The following SH2D4A variants were observed in gnomAD, a reference collection of about 807,000 sequenced individuals.
SH2D4A encodes the protein SH2 domain containing 4A.
In SH2D4A, 70 loss-of-function variants were observed where a neutral mutation model predicts 64.7. That is an observed-to-expected ratio of 1.08 (90% CI 0.89 to 1.32). SH2D4A has a LOEUF of 1.32. Among genes scored for constraint, SH2D4A ranks in the 40% most tolerant of loss-of-function variants. The pLI is 0.00. For synonymous variants in SH2D4A, 268 were observed against 200.7 expected, an observed-to-expected ratio of 1.34 and a Z score of -2.83; for missense variants, 706 against 540.1, an observed-to-expected ratio of 1.31 and a Z score of -3.04.
At chr8:19,379,768 GCT>G (rs1229108832) in intron 8 of SH2D4A, among the ~76,000 whole-genome samples, 1 of 152,080 alleles carries the variant, frequency 6.6e-6, no homozygotes, top group Non-Finnish European at 1.5e-5. Flanking sequence ...ACAGGGTCTT[GCT>G]CTGTTGCCTA....
intron 7 of SH2D4A, among the ~76,000 whole-genome samples, chr8:19,372,275 A>T (rs1325442509): frequency 6.6e-6 from 1 of 152,188 alleles, no homozygotes; most frequent in Non-Finnish European, 1.5e-5. Flanking sequence ...CTCCAAGTCC[A>T]GGCTTGCTGC....
chr8:19,391,412 G>A (rs923406947), intron 8 of SH2D4A, among the ~76,000 whole-genome samples: 2 of 152,156 alleles, frequency 1.3e-5, no homozygotes, highest in African/African-American at 4.8e-5. Context: ...GCAGGGAAGG[G>A]GTGGAAAAGC....
chr8:19,360,614 A>T (rs2052867308), intron 5 of SH2D4A, among the ~76,000 whole-genome samples: 1 of 152,128 alleles, frequency 6.6e-6, no homozygotes, highest in South Asian at 2.1e-4. Flanking sequence ...GCTCCATCTT[A>T]AAAAAATAAT....
chr8:19,313,855 G>A, intron 1 of SH2D4A, 32 bp downstream of exon 1: 1 of 1,457,282 alleles, frequency 6.9e-7, no homozygotes, highest in Non-Finnish European at 9.0e-7. Flanking sequence ...AGGCTTTGGG[G>A]AGAGTGTGCG....
At chr8:19,386,531 C>T (rs561988725) in intron 8 of SH2D4A, among the ~76,000 whole-genome samples, 21 of 152,208 alleles carry the variant, frequency 1.4e-4, no homozygotes, top group East Asian at 1.9e-4. Flanking sequence ...TGGCTGTGCC[C>T]GGGAGCCCCA....
intron 4 of SH2D4A, among the ~76,000 whole-genome samples, chr8:19,352,217 T>C (rs1211204986): frequency 1.3e-5 from 2 of 152,244 alleles, no homozygotes; most frequent in Non-Finnish European, 2.9e-5. Flanking sequence ...TTTGTAACCA[T>C]GTAATACTGA....
Position 19,369,911 on chromosome 8 carries a change from T to C in SH2D4A, c.918-3619T>C, listed in dbSNP as rs553095750. 2.6e-5 allele frequency among the ~76,000 whole-genome samples: 4 copies of C among 152,212 alleles called. No individual in the cohort carries two copies. The South Asian group carries it at 8.3e-4, about 32-fold the overall frequency. ...TGTGGTACAACAATAAAATTACTTA[T>C]TTGATATCTTTCTACTTTTTTGATA... On this transcript the variant is annotated intron_variant, in intron 7 of 9. Transcript: ENST00000265807.
chr8:19,334,779 C>A lies in SH2D4A; in HGVS notation c.435C>A (p.Ile145=). The A allele has an allele frequency of 1.2e-6, 2 of 1,614,064 alleles. No individual in the cohort carries two copies. The highest frequency in any genetic ancestry group is 1.7e-6 in the Non-Finnish European group (2 of 1,180,002). Residue 145 remains isoleucine (I), a synonymous_variant, in exon 4 of 10, where the codon ATC becomes ATA. Coordinates refer to ENST00000265807, the MANE Select transcript of SH2D4A (RefSeq NM_022071.4). The stretch of plus-strand genomic sequence containing the variant: ...CGGATAACCAGCAGACTAAAGACAT[C>A]TGGAAGAAAGTGGCAGAAAAGGAGG... ...QAPDNQQTKD[I]WKKVAEKEEL...
chr8:19,348,754 G>A (rs2052651150), intron 4 of SH2D4A, among the ~76,000 whole-genome samples: 1 of 152,352 alleles, frequency 6.6e-6, no homozygotes, highest in East Asian at 1.9e-4. Context: ...CAGGTTAAGA[G>A]TGAAAAGCAG....
intron 7 of SH2D4A, among the ~76,000 whole-genome samples, chr8:19,368,104 T>C (rs1435480851): frequency 6.6e-6 from 1 of 152,214 alleles, no homozygotes; most frequent in Non-Finnish European, 1.5e-5. Flanking sequence ...GTACCATATA[T>C]TGAAGAGACT....
chr8:19,370,382 G>T (rs1296527217), intron 7 of SH2D4A, among the ~76,000 whole-genome samples: 1 of 151,946 alleles, frequency 6.6e-6, no homozygotes, highest in Non-Finnish European at 1.5e-5. Context: ...TTCTATGTAG[G>T]TATATTAATA....
intron 9 of SH2D4A, among the ~76,000 whole-genome samples, chr8:19,394,284 A>C (rs892420037): frequency 2.6e-5 from 4 of 152,220 alleles, no homozygotes; most frequent in African/African-American, 9.6e-5. Flanking sequence ...CAGTTCTAAC[A>C]GGCCACAGAC....
chr8:19,389,529 G>C (rs996406031), intron 8 of SH2D4A, among the ~76,000 whole-genome samples: 1 of 152,156 alleles, frequency 6.6e-6, no homozygotes, highest in Non-Finnish European at 1.5e-5. Flanking sequence ...GTAGGCTCAG[G>C]AGTTTCAGTT....
intron 8 of SH2D4A, among the ~76,000 whole-genome samples, chr8:19,386,681 C>A (rs1419042145): frequency 2.0e-5 from 3 of 152,096 alleles, no homozygotes; most frequent in Non-Finnish European, 4.4e-5. Flanking sequence ...AGAGAGTCTG[C>A]TTTGGGGGTT....
At chr8:19,325,344 G>A (rs931176878) in intron 2 of SH2D4A, among the ~76,000 whole-genome samples, 4 of 152,124 alleles carry the variant, frequency 2.6e-5, no homozygotes, top group Non-Finnish European at 2.9e-5. Flanking sequence ...ACAAGGATCC[G>A]GTCAGGTAAA....
rs2053561615 is a variant in SH2D4A, at chr8:19,394,883, T to TGTCA, written c.*242_*245dup. On this transcript the variant is annotated 3_prime_UTR_variant, in exon 10 of 10. Transcript: ENST00000265807. ...AAGAGTCTCAATTTCAGCAAGTACC[T>TGTCA]GTCATGAAGGGTATGACCTTAATGA... The TGTCA allele has an allele frequency of 1.1e-5, 4 of 359,986 alleles. No homozygotes were observed. In the Admixed American group the frequency reaches 1.9e-4, roughly 17 times the overall value. The allele number at this position is 359,986 out of a possible 1,614,324, so 22.3% of individuals were successfully genotyped here. A position where few individuals can be genotyped will look rare whatever the true frequency, so the allele number is the denominator to read the frequency against.
At chr8:19,314,669 T>C (rs75229377) in intron 1 of SH2D4A, among the ~76,000 whole-genome samples, 5,881 of 152,254 alleles carry the variant, frequency 0.039, 145 homozygotes, top group Non-Finnish European at 0.057. Context: ...AGGCTTTCGT[T>C]TGATTGCTGG....
In SH2D4A at chr8:19,394,683, T is replaced by G. The variant is rs780658587; in HGVS notation, c.*41T>G. 12 of 1,516,804 alleles carry G rather than the reference T, an allele frequency of 7.9e-6. No homozygotes were observed. Among genetic ancestry groups the G allele is most frequent in the African/African-American group, 1.4e-5 (1 of 72,696 alleles). 94.0% of individuals were successfully genotyped at this position (1,516,804 alleles called of 1,614,324 possible). A position where few individuals can be genotyped will look rare whatever the true frequency, so the allele number is the denominator to read the frequency against. ...TCATCCTACAGCCTCCAAGCGGGCTTTCCCCTGGACAAATGCCACTGCAAC... is the reference window on the plus strand; with the variant it reads ...TCATCCTACAGCCTCCAAGCGGGCTGTCCCCTGGACAAATGCCACTGCAAC... On this transcript the variant is annotated 3_prime_UTR_variant, in exon 10 of 10. Transcript: ENST00000265807.
At chr8:19,393,090 C>G (rs144976230) in intron 8 of SH2D4A, among the ~76,000 whole-genome samples, 112 of 152,270 alleles carry the variant, frequency 7.4e-4, no homozygotes, top group Non-Finnish European at 1.2e-3. Flanking sequence ...TCATGTATAC[C>G]TCTATACATG....
Sources: gnomAD v4.1 joint callset for allele counts (sites outside exome capture counted in the v4.1 genomes callset) on GRCh38, gnomAD v4.1.1 for gene constraint, MANE v1.5 for transcripts, NCBI Gene and HGNC (gene_info 2026-07-23, HGNC 2026-07-21) for gene names.